Variants in CFH observed in about 807,000 individuals in gnomAD.
CFH encodes the protein H factor 1 (complement).
A neutral mutation model predicts 147.3 loss-of-function variants in CFH; 53 were observed. The observed-to-expected ratio is 0.36, with a 90% CI of 0.29 to 0.45. The LOEUF is 0.45. CFH is among the 20% of genes least tolerant of loss of function. CFH has a pLI of 1.00. For missense variants in CFH, 1,380 were observed against 1,498.0 expected, an observed-to-expected ratio of 0.92 and a Z score of 1.30; for synonymous variants, 536 against 489.4, an observed-to-expected ratio of 1.10 and a Z score of -1.26.
intron 9 of CFH, among the ~76,000 whole-genome samples, chr1:196,702,871 G>A (rs1668495023): frequency 6.6e-6 from 1 of 152,098 alleles, no homozygotes; most frequent in African/African-American, 2.4e-5. Context: ...GTCCAGGATG[G>A]TCAAGCAGAA....
Position 196,728,498 on chromosome 1 carries a change from T to C in CFH, c.2389T>C (p.Trp797Arg). 1 of 1,612,756 alleles carries C rather than the reference T, an allele frequency of 6.2e-7. No homozygotes were observed. Among genetic ancestry groups the C allele is most frequent in the Non-Finnish European group, 8.5e-7 (1 of 1,179,084 alleles). ...ACACACAGTCTGCATAAATGGAAGA[T>C]GGGATCCAGAAGTGAACTGCTCAAG... is the stretch of plus-strand genomic sequence containing the variant. ...WIHTVCINGRWDPEVNCSMAQ... is the reference protein window; with the variant it reads ...WIHTVCINGRRDPEVNCSMAQ... Residue 797 changes from tryptophan (W) to arginine (R), a missense_variant, in exon 15 of 22, where the codon TGG becomes CGG. Around this residue, in one of 4 missense-constraint regions of CFH, gnomAD observed 830 missense variants for 821.4 expected, o/e 1.01. Transcript: ENST00000367429.
chr1:196,687,968 C>T (rs1377428922), intron 7 of CFH, among the ~76,000 whole-genome samples: 1 of 151,462 alleles, frequency 6.6e-6, no homozygotes, highest in Non-Finnish European at 1.5e-5. Context: ...AGTTTATAAT[C>T]CACATAATAA....
intron 1 of CFH, among the ~76,000 whole-genome samples, chr1:196,666,710 G>C (rs1667105554): frequency 6.6e-6 from 1 of 151,288 alleles, no homozygotes; most frequent in East Asian, 2.0e-4. Context: ...TACTCAGATG[G>C]CTGAGGCAGG....
At position 196,715,705 on chromosome 1, in the gene CFH, T is replaced by C. The variant is rs371443731; in HGVS notation, c.1632T>C (p.Thr544=). The C allele has an allele frequency of 2.5e-6, 4 of 1,612,974 alleles. No individual in the cohort carries two copies. In the South Asian group the frequency reaches 4.4e-5, roughly 18 times the overall value. The change falls in exon 11 of 22, where the codon ACT becomes ACC. Residue 544 remains threonine, a synonymous_variant. Transcript: ENST00000367429. ...GCCATGATGGTTATGAAAGCAATAC[T>C]GGAAGCACCACTGGTTCCATAGTGT... ...YECHDGYESN[T]GSTTGSIVCG... is the part of the protein sequence containing the mutation.
chr1:196,683,219 A>G (rs1381738112), intron 6 of CFH, among the ~76,000 whole-genome samples: 7 of 151,748 alleles, frequency 4.6e-5, no homozygotes, highest in Non-Finnish European at 1.5e-5. Flanking sequence ...ATATAAGGTA[A>G]TGGAGAACAC....
At chr1:196,695,666 C>A (rs1668236242) in intron 9 of CFH, among the ~76,000 whole-genome samples, 1 of 151,734 alleles carries the variant, frequency 6.6e-6, no homozygotes, top group African/African-American at 2.4e-5. Flanking sequence ...TTTATTTTGG[C>A]CCTCTCTTAT....
intron 17 of CFH, among the ~76,000 whole-genome samples, chr1:196,737,982 T>A (rs1253193255): frequency 6.6e-6 from 1 of 152,148 alleles, no homozygotes; most frequent in Admixed American, 6.6e-5. Context: ...ATTGGCTCAC[T>A]GTTCTGCATG....
At chr1:196,684,670 C>G (rs1667764369) in intron 6 of CFH, among the ~76,000 whole-genome samples, 1 of 151,982 alleles carries the variant, frequency 6.6e-6, no homozygotes, top group Non-Finnish European at 1.5e-5. Context: ...AAGGGTTGCG[C>G]AGTCCTATCA....
At chr1:196,661,428 T>TAGA (rs1666900594) in intron 1 of CFH, among the ~76,000 whole-genome samples, 1 of 152,210 alleles carries the variant, frequency 6.6e-6, no homozygotes, top group Non-Finnish European at 1.5e-5. Flanking sequence ...AATGTATTTC[T>TAGA]TACACTTCTG....
chr1:196,652,835 T>C (rs1026817852), intron 1 of CFH, among the ~76,000 whole-genome samples: 7 of 151,852 alleles, frequency 4.6e-5, no homozygotes, highest in African/African-American at 1.7e-4. Flanking sequence ...AATATGAATG[T>C]AGGAGTTTTT....
intron 1 of CFH, among the ~76,000 whole-genome samples, chr1:196,672,698 T>A (rs968255988): frequency 1.3e-5 from 2 of 152,304 alleles, no homozygotes; most frequent in Middle Eastern, 3.4e-3. Context: ...TATAACAAAA[T>A]ATATCTATTG....
At chr1:196,737,076 A>G in intron 16 of CFH, 70 bp downstream of exon 16, 10 of 1,316,268 alleles carry the variant, frequency 7.6e-6, no homozygotes, top group Non-Finnish European at 1.1e-5. Flanking sequence ...GCTTCGTGTA[A>G]ACAAGAGAGA....
chr1:196,715,252 A>C (rs952355470), intron 10 of CFH, among the ~76,000 whole-genome samples: 1 of 151,922 alleles, frequency 6.6e-6, no homozygotes, highest in African/African-American at 2.4e-5. Flanking sequence ...AATTTACAAA[A>C]TTCTGTTATG....
chr1:196,688,554 T>C (rs892336625), intron 7 of CFH, among the ~76,000 whole-genome samples: 7 of 152,132 alleles, frequency 4.6e-5, no homozygotes, highest in Admixed American at 1.3e-4. Flanking sequence ...AATTTTTGTG[T>C]TTCTCTATAT....
intron 9 of CFH, among the ~76,000 whole-genome samples, chr1:196,692,193 G>A (rs1016112994): frequency 2.0e-5 from 3 of 151,958 alleles, no homozygotes; most frequent in African/African-American, 7.2e-5. Context: ...GCAATGTCGC[G>A]ATCTCGCCTC....
intron 9 of CFH, among the ~76,000 whole-genome samples, chr1:196,693,171 C>A (rs1668124998): frequency 6.6e-6 from 1 of 151,808 alleles, no homozygotes; most frequent in Non-Finnish European, 1.5e-5. Context: ...TTCCTCATAA[C>A]CATGTTGTGA....
intron 8 of CFH, 60 bp downstream of exon 8, chr1:196,689,674 A>G: frequency 6.4e-7 from 1 of 1,558,348 alleles, no homozygotes; most frequent in Non-Finnish European, 8.8e-7. Context: ...CGAAGAAAGG[A>G]GAGCACATAA....
intron 9 of CFH, among the ~76,000 whole-genome samples, chr1:196,710,658 C>T (rs762103929): frequency 6.6e-6 from 1 of 152,092 alleles, no homozygotes. Context: ...TGGTTATTCA[C>T]TAGAACTGGG....
intron 11 of CFH, among the ~76,000 whole-genome samples, chr1:196,723,481 T>C (rs1484936771): frequency 1.3e-5 from 2 of 152,184 alleles, no homozygotes; most frequent in East Asian, 1.9e-4. Flanking sequence ...TTCTGCATCA[T>C]GCCCTAGTGT....
Sources: gnomAD v4.1 joint callset for allele counts (sites outside exome capture counted in the v4.1 genomes callset) on GRCh38, gnomAD v4.1.1 for gene constraint, gnomAD v4.1.1 regional missense constraint, MANE v1.5 for transcripts, NCBI Gene and HGNC (gene_info 2026-07-23, HGNC 2026-07-21) for gene names.